The following NFIA variants were observed in gnomAD, a reference collection of about 807,000 sequenced individuals.
NFIA encodes nuclear factor I A.
In NFIA, 8 loss-of-function variants were observed where a neutral mutation model predicts 62.8. That is an observed-to-expected ratio of 0.13 (90% CI 0.07 to 0.23). The LOEUF (loss-of-function observed/expected upper bound fraction) is 0.23, where lower values mean the gene tolerates loss of function less well. Among genes scored for constraint, NFIA ranks in the 10% least tolerant of loss-of-function variants. NFIA has a pLI of 1.00. For missense variants in NFIA, 410 were observed against 642.1 expected, an observed-to-expected ratio of 0.64 and a Z score of 3.91; for synonymous variants, 235 against 238.1, an observed-to-expected ratio of 0.99 and a Z score of 0.12.
At chr1:61,095,245 T>G (rs367636136) in intron 2 of NFIA, among the ~76,000 whole-genome samples, 34 of 152,350 alleles carry the variant, frequency 2.2e-4, no homozygotes, top group African/African-American at 7.2e-4. Context: ...ATAACTTTTA[T>G]TGAATGTCTG....
intron 2 of NFIA, among the ~76,000 whole-genome samples, chr1:61,209,282 C>G (rs748196365): frequency 6.6e-6 from 1 of 152,026 alleles, no homozygotes; most frequent in Non-Finnish European, 1.5e-5. Flanking sequence ...GTGTAAAAAG[C>G]CGTCGTGTGT....
intron 5 of NFIA, among the ~76,000 whole-genome samples, chr1:61,356,817 TAAG>T: frequency 6.6e-6 from 1 of 152,328 alleles, no homozygotes; most frequent in East Asian, 1.9e-4. Flanking sequence ...ACTTAATGGC[TAAG>T]AATACTGGAA....
intron 9 of NFIA, among the ~76,000 whole-genome samples, chr1:61,416,667 AAAAG>A (rs1274941873): frequency 2.6e-5 from 4 of 152,194 alleles, no homozygotes; most frequent in African/African-American, 4.8e-5. Flanking sequence ...AATGAAAAGA[AAAAG>A]AATTATTAAA....
chr1:61,082,933 GGT>G (rs1223886940), intron 1 of NFIA, 115 bp downstream of exon 1: 2 of 1,085,776 alleles, frequency 1.8e-6, no homozygotes, highest in South Asian at 2.0e-5. Flanking sequence ...CGTGCGTCTC[GGT>G]GTGTGTCTGT....
chr1:61,335,260 G>T (rs1285697578), intron 4 of NFIA, among the ~76,000 whole-genome samples: 1 of 152,178 alleles, frequency 6.6e-6, no homozygotes, highest in South Asian at 2.1e-4. Context: ...CTGTAGTCAG[G>T]AGACCCCTTT....
intron 2 of NFIA, among the ~76,000 whole-genome samples, 176 bp from the exon 3 acceptor site, chr1:61,277,344 G>T (rs1657864719): frequency 6.6e-6 from 1 of 152,180 alleles, no homozygotes; most frequent in South Asian, 2.1e-4. Context: ...GGCTGCTGCT[G>T]CATTTCCCTC....
upstream of NFIA, chr1:61,081,878 T>G (rs945634199): frequency 1.3e-6 from 2 of 1,542,874 alleles, no homozygotes; most frequent in Non-Finnish European, 1.7e-6. Context: ...CTTTGAGCCT[T>G]ACCGCATTTC....
In NFIA at chr1:61,455,398, C is replaced by T. The variant is rs1336768634; in HGVS notation, c.*78C>T. 6.2e-7 allele frequency: 1 copy of T among 1,610,752 alleles called. No individual in the cohort carries two copies. The highest frequency in any genetic ancestry group is 2.2e-5 in the East Asian group (1 of 44,850). The stretch of plus-strand genomic sequence containing the variant: ...TCTGTAACATGGACGCAACCTCAAC[C>T]CAGCGCAGTTACAACTTCACTATCA... On this transcript the variant is annotated 3_prime_UTR_variant, in exon 11 of 11. Coordinates refer to ENST00000403491, the MANE Select transcript of NFIA (RefSeq NM_001134673.4).
upstream of NFIA, chr1:61,081,946 G>C: frequency 6.4e-7 from 1 of 1,550,494 alleles, no homozygotes; most frequent in Non-Finnish European, 8.7e-7. Context: ...TTGCATACAT[G>C]CAAATGTGCC....
chr1:61,262,038 G>C (rs1306439714), intron 2 of NFIA, among the ~76,000 whole-genome samples: 1 of 152,110 alleles, frequency 6.6e-6, no homozygotes, highest in Non-Finnish European at 1.5e-5. Flanking sequence ...ATGGTTACTT[G>C]AAAATGTTGA....
chr1:61,359,744 A>G (rs911724997), intron 6 of NFIA, among the ~76,000 whole-genome samples: 1 of 151,852 alleles, frequency 6.6e-6, no homozygotes, highest in Admixed American at 6.6e-5. Context: ...ACGCCTGGCT[A>G]ATTTTTTGTA....
At chr1:61,318,192 A>C (rs1395739231) in intron 3 of NFIA, among the ~76,000 whole-genome samples, 1 of 152,200 alleles carries the variant, frequency 6.6e-6, no homozygotes, top group Non-Finnish European at 1.5e-5. Context: ...TTTGATAATT[A>C]CATATTTTAC....
At chr1:61,393,989 TG>T (rs1553181594) in intron 7 of NFIA, among the ~76,000 whole-genome samples, 1 of 152,242 alleles carries the variant, frequency 6.6e-6, no homozygotes, top group Non-Finnish European at 1.5e-5. Context: ...TTACTTTTCA[TG>T]TATCTCTATT....
intron 2 of NFIA, among the ~76,000 whole-genome samples, chr1:61,270,160 A>T (rs1314641057): frequency 1.3e-5 from 2 of 152,220 alleles, no homozygotes; most frequent in African/African-American, 4.8e-5. Flanking sequence ...GGATGTGAAG[A>T]TCTGTAGGGC....
intron 2 of NFIA, chr1:61,132,897 TGTCGATCTTTCATTCAGCAACA>T (rs1647106138): frequency 6.6e-6 from 1 of 152,214 alleles, no homozygotes; most frequent in Non-Finnish European, 1.5e-5. Context: ...GTTAATTTCC[TGTCGATCTTTCATTCAGCAACA>T]GACCTAGAGA....
intron 9 of NFIA, among the ~76,000 whole-genome samples, chr1:61,410,310 G>T (rs997768261): frequency 6.6e-6 from 1 of 152,108 alleles, no homozygotes; most frequent in African/African-American, 2.4e-5. Context: ...CCAGCTGGGG[G>T]CCTAAAATTG....
chr1:61,262,163 A>G (rs1404383840), intron 2 of NFIA, among the ~76,000 whole-genome samples: 1 of 152,096 alleles, frequency 6.6e-6, no homozygotes, highest in African/African-American at 2.4e-5. Context: ...GAGTGCTACA[A>G]TGGGGAGTTT....
At chr1:61,091,868 C>G (rs1340926181) in intron 2 of NFIA, among the ~76,000 whole-genome samples, 1 of 150,550 alleles carries the variant, frequency 6.6e-6, no homozygotes, top group Non-Finnish European at 1.5e-5. Flanking sequence ...TTTTTAACCA[C>G]TTCTGTATAA....
At chr1:61,193,851 A>G (rs1651814297) in intron 2 of NFIA, among the ~76,000 whole-genome samples, 1 of 152,186 alleles carries the variant, frequency 6.6e-6, no homozygotes, top group African/African-American at 2.4e-5. Flanking sequence ...ATCCCACTTT[A>G]ATAGAAGTGA....
Sources: gnomAD v4.1 joint callset for allele counts (sites outside exome capture counted in the v4.1 genomes callset) on GRCh38, gnomAD v4.1.1 for gene constraint, MANE v1.5 for transcripts, NCBI Gene and HGNC (gene_info 2026-07-23, HGNC 2026-07-21) for gene names.